Variants in PIEZO1 observed in about 807,000 individuals in gnomAD.
The protein encoded by PIEZO1 is piezo-type mechanosensitive ion channel component 1.
Under a neutral mutation model 297.2 loss-of-function variants are expected in PIEZO1, and 296 were observed. That is an observed-to-expected ratio of 1.00 (90% CI 0.91 to 1.10). The LOEUF is 1.10. PIEZO1 is among the 50% of genes least tolerant of loss of function. PIEZO1 has a pLI of 0.00. For missense variants in PIEZO1, 5,018 were observed against 3,455.5 expected, an observed-to-expected ratio of 1.45 and a Z score of -11.34; for synonymous variants, 2,427 against 1,507.5, an observed-to-expected ratio of 1.61 and a Z score of -14.13.
intron 22 of PIEZO1, 40 bp downstream of exon 22, chr16:88,731,666 G>C: frequency 2.7e-6 from 4 of 1,498,384 alleles, no homozygotes; most frequent in Non-Finnish European, 3.6e-6. Flanking sequence ...CATCCACAAA[G>C]CCACAAAGCC....
chr16:88,737,767 T>C lies in PIEZO1; in HGVS notation c.1068A>G (p.Ala356=). 2 of 1,535,744 alleles carry C rather than the reference T, an allele frequency of 1.3e-6. No homozygotes were observed. The highest frequency in any genetic ancestry group is 1.7e-6 in the Non-Finnish European group (2 of 1,146,714). The change falls in exon 9 of 51, where the codon GCA becomes GCG. Residue 356 remains alanine (A), a synonymous_variant. Coordinates refer to ENST00000301015, the MANE Select transcript of PIEZO1 (RefSeq NM_001142864.4). ...KGYEARELEL[A]ELDQWPQERE... ...GTTCCTGGGGCCACTGGTCCAGCTC[T>C]GCTAGCTCCAGCTCCCGAGCCTCAT...
At chr16:88,768,903 T>C (rs916270734) in intron 1 of PIEZO1, among the ~76,000 whole-genome samples, 1 of 152,214 alleles carries the variant, frequency 6.6e-6, no homozygotes, top group Non-Finnish European at 1.5e-5. Flanking sequence ...AGAATAGCCA[T>C]GGCCGGGGCC....
At chr16:88,727,974 T>C (rs1287410098) in intron 22 of PIEZO1, 3 of 215,008 alleles carry the variant, frequency 1.4e-5, no homozygotes, top group African/African-American at 2.3e-5. Flanking sequence ...GTGCGTGTGA[T>C]AGGACAGCTC....
chr16:88,733,624 C>G lies in PIEZO1; in HGVS notation c.2451G>C (p.Leu817=), dbSNP rs573397793. 6.5e-7 allele frequency: 1 copy of G among 1,549,468 alleles called. No homozygotes were observed. Among genetic ancestry groups the G allele is most frequent in the South Asian group, 1.2e-5 (1 of 83,966 alleles). Residue 817 remains leucine, a synonymous_variant, in exon 18 of 51, where the codon CTG becomes CTC. Coordinates refer to ENST00000301015, the MANE Select transcript of PIEZO1 (RefSeq NM_001142864.4). ...RRLLELHVFK[L]VALYTVWVAL... Reference sequence around the variant, plus strand: ...CCACCCAGACGGTGTACAGGGCCACCAGCTTGAAAACGTGAAGCTCCAGCA... The same window carrying G: ...CCACCCAGACGGTGTACAGGGCCACGAGCTTGAAAACGTGAAGCTCCAGCA...
rs1420347446 is a variant in PIEZO1 at position 88,722,351 on chromosome 16, C to G, written c.4822G>C (p.Gly1608Arg). 1.3e-6 allele frequency: 2 copies of G among 1,533,430 alleles called. No individual in the cohort carries two copies. The highest frequency in any genetic ancestry group is 1.8e-6 in the Non-Finnish European group (2 of 1,138,658). The allele number at this position is 1,533,430 out of a possible 1,614,324, so 95.0% of individuals were successfully genotyped here. The change falls in exon 36 of 51, where the codon GGC (glycine) becomes CGC (arginine). Residue 1608 changes from glycine to arginine, a missense_variant. By Grantham distance (125) the Gly-to-Arg change is moderately radical (BLOSUM62 -2). Transcript: ENST00000301015. ...EPLSSMTDDM[G>R]SPLSTGYHTR... ...TGGTAGCCGGTGCTCAGGGGGCTGC[C>G]CATGTCGTCTGTCATGCTGCTGAGT...
intron 2 of PIEZO1, chr16:88,745,771 G>C (rs62048196): frequency 1.3e-5 from 2 of 151,640 alleles, no homozygotes; most frequent in Non-Finnish European, 2.9e-5. Flanking sequence ...AAAAAAAGGG[G>C]CCGGGGCTCC....
intron 36 of PIEZO1, 36 bp downstream of exon 36, chr16:88,722,182 A>G (rs1409994164): frequency 1.7e-5 from 26 of 1,535,060 alleles, no homozygotes; most frequent in Non-Finnish European, 2.2e-5. Flanking sequence ...CCCGAGGGCC[A>G]TGGTGAGGCT....
At chr16:88,727,337 T>C in intron 23 of PIEZO1, 145 bp from the exon 24 acceptor site, 1 of 970,918 alleles carries the variant, frequency 1.0e-6, no homozygotes, top group South Asian at 1.7e-5. Context: ...TGGCCGGGTG[T>C]CCCTGGGGGA....
rs1430121180 is a variant in PIEZO1 at position 88,736,364 on chromosome 16, C to T, written c.1341G>A (p.Leu447=). The T allele has an allele frequency of 1.3e-6, 2 of 1,549,964 alleles. No individual in the cohort carries two copies. The highest frequency in any genetic ancestry group is 8.7e-7 in the Non-Finnish European group (1 of 1,146,820). Reference sequence around the variant, plus strand: ...CCGTCCAGATGAGGCAGGCCCAGAGCAGCAGTACGAAGGTCAGCCAGCTGT... The same window carrying T: ...CCGTCCAGATGAGGCAGGCCCAGAGTAGCAGTACGAAGGTCAGCCAGCTGT... The part of the protein sequence containing the change: ...TYHSWLTFVL[L]LWACLIWTVR... Residue 447 remains leucine (L), a synonymous_variant, in exon 12 of 51, where the codon CTG becomes CTA. Transcript: ENST00000301015.
At chr16:88,772,978 G>A (rs988960079) in intron 1 of PIEZO1, among the ~76,000 whole-genome samples, 1 of 152,214 alleles carries the variant, frequency 6.6e-6, no homozygotes, top group Non-Finnish European at 1.5e-5. Flanking sequence ...GCTTCCAGCT[G>A]GCCCCAGGGG....
Position 88,746,868 on chromosome 16 carries a change from C to T in PIEZO1, c.160+2516G>A, listed in dbSNP as rs111617195. 2.0e-5 allele frequency among the ~76,000 whole-genome samples: 3 copies of T among 152,310 alleles called. No individual in the cohort carries two copies. In the South Asian group the frequency reaches 6.2e-4, roughly 32 times the overall value. On this transcript the variant is annotated intron_variant, in intron 2 of 50. Coordinates refer to ENST00000301015, the MANE Select transcript of PIEZO1 (RefSeq NM_001142864.4). ...TATTTACGGAACAAACGGCGAAACGCCAGGGGCCTGGGAACAGACAGAACC... is the reference window on the plus strand; with the variant it reads ...TATTTACGGAACAAACGGCGAAACGTCAGGGGCCTGGGAACAGACAGAACC...
intron 30 of PIEZO1, 27 bp downstream of exon 30, chr16:88,724,982 G>A (rs998368196): frequency 2.1e-6 from 3 of 1,399,110 alleles, no homozygotes; most frequent in Non-Finnish European, 1.9e-6. Context: ...CTGAGAGGGT[G>A]GCCACAGGCG....
rs1332780658 is a variant in PIEZO1 at position 88,722,777 on chromosome 16, A to T, written c.4668+60T>A. ...GCAGTGGGCGCGGGACTAGGCTGTT[A>T]AGCAGGCAGGGGCGTAGTCAGGCAG... is the stretch of plus-strand genomic sequence containing the variant. On this transcript the variant is annotated intron_variant, in intron 34 of 50. Coordinates refer to ENST00000301015, the MANE Select transcript of PIEZO1 (RefSeq NM_001142864.4). The T allele has an allele frequency of 3.3e-6, 5 of 1,530,146 alleles. No individual in the cohort carries two copies. The African/African-American group carries it at 5.5e-5, about 17-fold the overall frequency. The allele number at this position is 1,530,146 out of a possible 1,614,324, so 94.8% of individuals were successfully genotyped here. A position where few individuals can be genotyped will look rare whatever the true frequency, so the allele number is the denominator to read the frequency against.
In PIEZO1 at chr16:88,717,056, A is replaced by G. The variant is rs1006758300; in HGVS notation, c.6627T>C (p.Asp2209=). 1.9e-6 allele frequency: 3 copies of G among 1,550,754 alleles called. No individual in the cohort carries two copies. Among genetic ancestry groups the G allele is most frequent in the Admixed American group, 3.9e-5 (2 of 50,984 alleles). ...SVVGVVNQPI[D]VTVTLKLGGY... ...CGCCCAGCTTCAGGGTGACGGTGAC[A>G]TCGATGGGCTGGTTGACAACCCCAA... Residue 2209 remains aspartate, a synonymous_variant, in exon 45 of 51, where the codon GAT becomes GAC. Transcript: ENST00000301015.
At position 88,720,160 on chromosome 16, in the gene PIEZO1, T is replaced by C. The variant is rs2142760326; in HGVS notation, c.6073A>G (p.Lys2025Glu). Residue 2025 changes from lysine to glutamate, a missense_variant, in exon 42 of 51, where the codon AAG becomes GAG. Coordinates refer to ENST00000301015, the MANE Select transcript of PIEZO1 (RefSeq NM_001142864.4). ...MVVDRALYLRKTVLGKLAFQV... is the reference protein window; with the variant it reads ...MVVDRALYLRETVLGKLAFQV... The stretch of plus-strand genomic sequence containing the variant: ...AAGGCCAGCTTGCCCAGCACGGTCT[T>C]GCGCAGGTAGAGGGCGCGGTCAACC... The C allele has an allele frequency of 6.4e-7, 1 of 1,550,474 alleles. No individual in the cohort carries two copies. The highest frequency in any genetic ancestry group is 8.7e-7 in the Non-Finnish European group (1 of 1,146,976).
chr16:88,742,110 G>T lies in PIEZO1; in HGVS notation c.284-15C>A. 6.5e-7 allele frequency: 1 copy of T among 1,535,730 alleles called. No homozygotes were observed. The highest frequency in any genetic ancestry group is 8.7e-7 in the Non-Finnish European group (1 of 1,146,662). On this transcript the variant is annotated splice_polypyrimidine_tract_variant and intron_variant, in intron 3 of 50. Coordinates refer to ENST00000301015, the MANE Select transcript of PIEZO1 (RefSeq NM_001142864.4). ...CCAGCGGCTGCCTGCAGAGAAAGAC[G>T]GGGGAACCCAGGTCAGGCTCTGCCC...
rs1049480111 is a variant in PIEZO1 at position 88,748,959 on chromosome 16, C to T, written c.160+425G>A. Among the ~76,000 whole-genome samples, 14 of 127,494 alleles carry T rather than the reference C, an allele frequency of 1.1e-4. No individual in the cohort carries two copies. In the East Asian group the frequency reaches 1.3e-3, roughly 12 times the overall value. The allele number at this position is 127,494 out of a possible 152,430, so 83.6% of individuals were successfully genotyped here. A position where few individuals can be genotyped will look rare whatever the true frequency, so the allele number is the denominator to read the frequency against. ...AAAAAAAAAAAAAAAAAAAAAAAGC[C>T]GGGCGCGGTGGCTCACGTCTGTAAT... On this transcript the variant is annotated intron_variant, in intron 2 of 50. Transcript: ENST00000301015.
intron 1 of PIEZO1, among the ~76,000 whole-genome samples, chr16:88,769,916 TA>T (rs1326506098): frequency 1.3e-5 from 2 of 152,100 alleles, no homozygotes; most frequent in Non-Finnish European, 2.9e-5. Flanking sequence ...ACAGATCCCC[TA>T]GGGGGTCACA....
At chr16:88,755,197 G>A (rs533276065) in intron 1 of PIEZO1, among the ~76,000 whole-genome samples, 6 of 152,230 alleles carry the variant, frequency 3.9e-5, no homozygotes, top group Non-Finnish European at 8.8e-5. Context: ...GGGATGCGGC[G>A]AACAGCCGCC....
Sources: allele counts gnomAD v4.1 joint callset (sites outside exome capture counted in the v4.1 genomes callset), GRCh38; gene constraint gnomAD v4.1.1; transcripts MANE v1.5; gene names NCBI Gene and HGNC (gene_info 2026-07-23, HGNC 2026-07-21).